The following HTR1D variants were observed in gnomAD, a reference collection of about 807,000 sequenced individuals.
HTR1D encodes the protein 5-hydroxytryptamine receptor 1D.
A neutral mutation model predicts 21.1 loss-of-function variants in HTR1D; 18 were observed. The ratio of observed to expected loss-of-function variants is 0.85; its 90% CI spans 0.59 to 1.27. HTR1D has a LOEUF of 1.27. HTR1D is among the 50% of genes most tolerant of loss of function. HTR1D has a pLI of 0.00. For synonymous variants in HTR1D, 196 were observed against 204.4 expected (o/e 0.96, Z 0.35); for missense variants, 456 against 481.4 (o/e 0.95, Z 0.49).
At chr1:23,209,616 A>G (rs1453231006) in intron 1 of HTR1D, among the ~76,000 whole-genome samples, 1 of 152,136 alleles carries the variant, frequency 6.6e-6, no homozygotes. Context: ...TAAGCTTCTC[A>G]TGTATTAACT....
Position 23,194,833 on chromosome 1 carries a change from T to A in HTR1D, c.-614A>T, listed in dbSNP as rs962395223. 1.3e-5 allele frequency: 2 copies of A among 153,100 alleles called. No homozygotes were observed. Among genetic ancestry groups the A allele is most frequent in the Non-Finnish European group, 2.9e-5 (2 of 68,084 alleles). The allele number at this position is 153,100 out of a possible 1,614,324, so 9.5% of individuals were successfully genotyped here. ...GCAGCTCGCGGTTTTCCCAGGTTCA[T>A]CTTGACGCATCCTGAGCTACTTAAC... is the stretch of plus-strand genomic sequence containing the variant. On this transcript the variant is annotated 5_prime_UTR_variant, in exon 2 of 2. It removes an upstream start codon present in the reference 5' UTR. Coordinates refer to ENST00000374619, the MANE Select transcript of HTR1D (RefSeq NM_000864.5).
intron 1 of HTR1D, among the ~76,000 whole-genome samples, chr1:23,204,505 G>A (rs1369023048): frequency 1.3e-5 from 2 of 152,210 alleles, no homozygotes; most frequent in Non-Finnish European, 2.9e-5. Flanking sequence ...ACAGGTAGGT[G>A]ACTTGCCCAA....
intron 1 of HTR1D, among the ~76,000 whole-genome samples, chr1:23,215,778 G>C (rs1644771448): frequency 6.6e-6 from 1 of 152,224 alleles, no homozygotes; most frequent in Admixed American, 6.5e-5. Flanking sequence ...CCTGGGACTG[G>C]GAAGCCAGCA....
At chr1:23,214,157 T>C (rs908294456) in intron 1 of HTR1D, among the ~76,000 whole-genome samples, 1 of 152,214 alleles carries the variant, frequency 6.6e-6, no homozygotes, top group East Asian at 1.9e-4. Flanking sequence ...CTGGGTGCAA[T>C]GGCTCACGCC....
chr1:23,200,794 T>C (rs1321897738), intron 1 of HTR1D, among the ~76,000 whole-genome samples: 1 of 152,120 alleles, frequency 6.6e-6, no homozygotes, highest in East Asian at 1.9e-4. Flanking sequence ...TCACTGCCCG[T>C]TTTGGTGAGA....
At chr1:23,205,935 T>C (rs1644728582) in intron 1 of HTR1D, among the ~76,000 whole-genome samples, 1 of 152,224 alleles carries the variant, frequency 6.6e-6, no homozygotes, top group Non-Finnish European at 1.5e-5. Flanking sequence ...CCACTGCCAC[T>C]GTTCTGTTTC....
chr1:23,193,357 C>T lies in HTR1D; in HGVS notation c.863G>A (p.Arg288His), dbSNP rs771175783. ...TTCTCGAGCAGCAGAAATCCTCTTG[C>T]GTTCCAGGGCACTGTCAGCAAGCTT... Reference protein sequence around the residue: ...KIKLADSALERKRISAARERK... With the variant: ...KIKLADSALEHKRISAARERK... Residue 288 changes from arginine (R) to histidine (H), a missense_variant, in exon 2 of 2, where the codon CGC (arginine) becomes CAC (histidine). Transcript: ENST00000374619. 3.7e-5 allele frequency: 59 copies of T among 1,614,018 alleles called. No homozygotes were observed. The highest frequency in any genetic ancestry group is 4.7e-5 in the Non-Finnish European group (55 of 1,180,050).
chr1:23,204,718 T>C (rs997395167), intron 1 of HTR1D, among the ~76,000 whole-genome samples: 6 of 152,338 alleles, frequency 3.9e-5, no homozygotes, highest in Middle Eastern at 3.4e-3. Flanking sequence ...TGTGCATGTT[T>C]CTGCTTGCAC....
rs1291843530 is a variant in HTR1D, at chr1:23,193,391, C to G, written c.829G>C (p.Val277Leu). ...SAGSPLFFNH[V>L]KIKLADSALE... ...GCACTGTCAGCAAGCTTGATTTTCA[C>G]GTGGTTGAAAAAGAGAGGGGAGCCA... The change falls in exon 2 of 2, where the codon GTG (valine) becomes CTG (leucine). Residue 277 changes from valine to leucine, a missense_variant. Coordinates refer to ENST00000374619, the MANE Select transcript of HTR1D (RefSeq NM_000864.5). 2 of 1,614,016 alleles carry G rather than the reference C, an allele frequency of 1.2e-6. No individual in the cohort carries two copies. The highest frequency in any genetic ancestry group is 1.7e-6 in the Non-Finnish European group (2 of 1,180,044).
chr1:23,208,926 A>T (rs539082052), intron 1 of HTR1D, among the ~76,000 whole-genome samples: 18 of 152,184 alleles, frequency 1.2e-4, no homozygotes, highest in Non-Finnish European at 2.5e-4. Context: ...CTCACTAATA[A>T]ATGTATTAGT....
chr1:23,214,577 G>A (rs1644766317), intron 1 of HTR1D, among the ~76,000 whole-genome samples: 1 of 152,032 alleles, frequency 6.6e-6, no homozygotes, highest in Non-Finnish European at 1.5e-5. Flanking sequence ...CCTACCAGCT[G>A]CCCGTCTTAA....
chr1:23,193,671 C>T lies in HTR1D; in HGVS notation c.549G>A (p.Glu183=), dbSNP rs1165755771. 5.6e-6 allele frequency: 9 copies of T among 1,613,378 alleles called. No individual in the cohort carries two copies. The highest frequency in any genetic ancestry group is 7.6e-6 in the Non-Finnish European group (9 of 1,179,604). ...PLFWRQAKAQ[E]EMSDCLVNTS... ...TGTTCACCAGACAGTCCGACATCTC[C>T]TCCTGGGCCTTGGCCTGCCGCCAGA... The change falls in exon 2 of 2, where the codon GAG becomes GAA. Residue 183 remains glutamate, a synonymous_variant. Coordinates refer to ENST00000374619, the MANE Select transcript of HTR1D (RefSeq NM_000864.5).
intron 1 of HTR1D, among the ~76,000 whole-genome samples, chr1:23,215,986 C>G (rs1201862831): frequency 6.6e-6 from 1 of 152,234 alleles, no homozygotes; most frequent in Non-Finnish European, 1.5e-5. Context: ...TCCCTCCTAG[C>G]CACCCTCTAG....
intron 1 of HTR1D, among the ~76,000 whole-genome samples, chr1:23,196,801 C>A (rs1402742014): frequency 6.6e-6 from 1 of 152,068 alleles, no homozygotes; most frequent in Admixed American, 6.6e-5. Context: ...AGTGGAAAAA[C>A]CAGGTCCAGA....
chr1:23,213,395 G>A (rs962776757), intron 1 of HTR1D, among the ~76,000 whole-genome samples: 1 of 152,120 alleles, frequency 6.6e-6, no homozygotes, highest in Non-Finnish European at 1.5e-5. Flanking sequence ...CAGGAGAATC[G>A]CTTGAGCCTG....
intron 1 of HTR1D, among the ~76,000 whole-genome samples, chr1:23,214,325 G>A (rs1406485198): frequency 6.6e-6 from 1 of 152,162 alleles, no homozygotes; most frequent in African/African-American, 2.4e-5. Flanking sequence ...TACTCTGGAG[G>A]CTGAGGTGGA....
In HTR1D at chr1:23,193,448, A is replaced by T; in HGVS notation, c.772T>A (p.Ser258Thr). 1 of 1,614,118 alleles carries T rather than the reference A, an allele frequency of 6.2e-7. No homozygotes were observed. Among genetic ancestry groups the T allele is most frequent in the South Asian group, 1.1e-5 (1 of 91,078 alleles). ...TGCGAGTGCCCCTCATGGAGGCTGG[A>T]GTTGAGCGAGCAGAGCGAGGACCCG... ...SAGSSLCSLN[S>T]SLHEGHSHSA... The change falls in exon 2 of 2, where the codon TCC (serine) becomes ACC (threonine). Residue 258 changes from serine (S) to threonine (T), a missense_variant. Coordinates refer to ENST00000374619, the MANE Select transcript of HTR1D (RefSeq NM_000864.5).
At chr1:23,216,473 C>T (rs869228823) in intron 1 of HTR1D, among the ~76,000 whole-genome samples, 1 of 151,902 alleles carries the variant, frequency 6.6e-6, no homozygotes, top group Non-Finnish European at 1.5e-5. Context: ...CTAATGCAAC[C>T]GGGACCCTGA....
At position 23,198,069 on chromosome 1, in the gene HTR1D, TA is replaced by T. The variant is rs565641689; in HGVS notation, c.-782-3069del. Among the ~76,000 whole-genome samples, 944 of 129,934 alleles carry T rather than the reference TA, an allele frequency of 7.3e-3. 1 individual carries two copies. Among genetic ancestry groups the T allele is most frequent in the African/African-American group, 0.011 (390 of 34,988 alleles). The allele number at this position is 129,934 out of a possible 152,430, so 85.2% of individuals were successfully genotyped here. On this transcript the variant is annotated intron_variant, in intron 1 of 1. Transcript: ENST00000374619. ...GGCAGCACAGTGAGATCCTGTCTCT[TA>T]AAAAAAAAAAAAAAGTGTGGGCCGG...
Sources: gnomAD v4.1 joint callset for allele counts (sites outside exome capture counted in the v4.1 genomes callset) on GRCh38, gnomAD v4.1.1 for gene constraint, MANE v1.5 for transcripts, NCBI Gene and HGNC (gene_info 2026-07-23, HGNC 2026-07-21) for gene names.